ASTN2: variants seen among roughly 807,000 people sequenced by gnomAD.
The protein encoded by ASTN2 is astrotactin-2.
ASTN2 carries 54 observed loss-of-function variants against 139.8 expected under a neutral mutation model. That is an observed-to-expected ratio of 0.39 (90% CI 0.31 to 0.48). ASTN2 has a LOEUF of 0.48. Among genes scored for constraint, ASTN2 ranks in the 20% least tolerant of loss-of-function variants. The pLI is 0.95. For synonymous variants in ASTN2, 756 were observed against 719.5 expected, an observed-to-expected ratio of 1.05 and a Z score of -0.81; for missense variants, 1,565 against 1,725.1, an observed-to-expected ratio of 0.91 and a Z score of 1.64.
chr9:116,710,242 G>C (rs1256562743), intron 16 of ASTN2, among the ~76,000 whole-genome samples: 1 of 151,962 alleles, frequency 6.6e-6, no homozygotes, highest in Non-Finnish European at 1.5e-5. Context: ...GGACCTGTTT[G>C]GAAGCTCCCT....
chr9:116,686,826 C>T, intron 16 of ASTN2: 1 of 1,550,398 alleles, frequency 6.4e-7, no homozygotes, highest in Non-Finnish European at 8.7e-7. Flanking sequence ...GTCTCTAGTG[C>T]AGCTCTCTGT....
chr9:116,650,307 G>A (rs1857836463), intron 17 of ASTN2, among the ~76,000 whole-genome samples: 1 of 152,142 alleles, frequency 6.6e-6, no homozygotes, highest in Non-Finnish European at 1.5e-5. Context: ...GTTCCATAAA[G>A]ATAAGTTTGC....
chr9:117,033,253 T>C (rs1838297895), intron 6 of ASTN2, among the ~76,000 whole-genome samples: 1 of 152,140 alleles, frequency 6.6e-6, no homozygotes, highest in Admixed American at 6.6e-5. Flanking sequence ...TTCTACAGCT[T>C]TGTAAAAATG....
chr9:117,096,236 C>T, intron 4 of ASTN2, 85 bp from the exon 5 acceptor site: 1 of 1,079,842 alleles, frequency 9.3e-7, no homozygotes, highest in South Asian at 1.3e-5. Context: ...GATCAGCAAT[C>T]CCATCCCCAG....
At chr9:116,561,948 T>C (rs1303844864) in intron 19 of ASTN2, 2 of 152,114 alleles carry the variant, frequency 1.3e-5, no homozygotes, top group Non-Finnish European at 1.5e-5. Flanking sequence ...GCCAGGAAAA[T>C]GTTAAAATGT....
Position 116,698,183 on chromosome 9 carries a change from G to A in ASTN2, c.2806+27588C>T. 6.2e-7 allele frequency: 1 copy of A among 1,614,142 alleles called. No homozygotes were observed. ...AAGAAGCAGCTGAGGAGCGGCGTCG[G>A]GACTTTGGAGAGAAGTTAACTCGTC... On this transcript the variant is annotated intron_variant, in intron 16 of 22. Coordinates refer to ENST00000313400, the MANE Select transcript of ASTN2 (RefSeq NM_001365068.1). The surrounding 1 kb of genome is among the most constrained non-coding windows in gnomAD (Gnocchi z 4.4).
intron 2 of ASTN2, among the ~76,000 whole-genome samples, chr9:117,236,484 G>A (rs1833048392): frequency 6.6e-6 from 1 of 152,222 alleles, no homozygotes; most frequent in Non-Finnish European, 1.5e-5. Flanking sequence ...AAGCAATGAA[G>A]AGGGAGCTCA....
chr9:116,874,545 A>C (rs1833247485), intron 10 of ASTN2, among the ~76,000 whole-genome samples: 1 of 152,226 alleles, frequency 6.6e-6, no homozygotes, highest in Admixed American at 6.5e-5. Context: ...TGATGGAGGC[A>C]ATAATATTCA....
chr9:116,762,391 T>G (rs758330171), intron 13 of ASTN2, among the ~76,000 whole-genome samples: 3 of 152,130 alleles, frequency 2.0e-5, no homozygotes, highest in Non-Finnish European at 4.4e-5. Context: ...GAGAACTAAT[T>G]TGGATAATTG....
At chr9:116,622,605 A>C (rs1323246816) in intron 17 of ASTN2, among the ~76,000 whole-genome samples, 3 of 152,220 alleles carry the variant, frequency 2.0e-5, no homozygotes, top group Non-Finnish European at 4.4e-5. Context: ...ACAGAATCCC[A>C]ACCCAGATTT....
rs183175079 is a variant in ASTN2, at chr9:117,309,454, T to G, written c.443-17941A>C. Among the ~76,000 whole-genome samples, 24 of 152,312 alleles carry G rather than the reference T, an allele frequency of 1.6e-4. No homozygotes were observed. The East Asian group carries it at 4.2e-3, about 27-fold the overall frequency. On this transcript the variant is annotated intron_variant, in intron 1 of 22. Transcript: ENST00000313400. ...TCTGACCCCTAAGATCAATACTGTT[T>G]GCAGAATGCGCTTTATGGCAGGCCA...
In ASTN2 at chr9:117,388,456, G is replaced by A. The variant is rs1161619849; in HGVS notation, c.442+26041C>T. ...ACACTTGGATCTCCTTCATCCTAGT[G>A]GGAGTGCTCTGATGAGACTGTGTGC... is the stretch of plus-strand genomic sequence containing the variant. On this transcript the variant is annotated intron_variant, in intron 1 of 22. Transcript: ENST00000313400. Among the ~76,000 whole-genome samples the A allele has an allele frequency of 2.6e-5, 4 of 152,184 alleles. No homozygotes were observed. The East Asian group carries it at 5.8e-4, about 22-fold the overall frequency.
chr9:117,140,455 G>C (rs77744288), intron 4 of ASTN2, among the ~76,000 whole-genome samples: 1 of 149,736 alleles, frequency 6.7e-6, no homozygotes, highest in East Asian at 2.0e-4. Context: ...TGAGTAGATA[G>C]AAAAAAAAAT....
At position 116,664,591 on chromosome 9, in the gene ASTN2, T is replaced by C. The variant is rs1858753017; in HGVS notation, c.2807-12798A>G. On this transcript the variant is annotated intron_variant, in intron 16 of 22. Transcript: ENST00000313400. ...GCAGTATATCTTCATTTATAAGTTT[T>C]AGCTTTGCACCACACAAAAGTTTTA... is the stretch of plus-strand genomic sequence containing the variant. Among the ~76,000 whole-genome samples the C allele has an allele frequency of 2.0e-5, 3 of 151,726 alleles. No individual in the cohort carries two copies. The South Asian group carries it at 6.3e-4, about 32-fold the overall frequency.
At position 116,549,741 on chromosome 9, in the gene ASTN2, C is replaced by T. The variant is rs550201580; in HGVS notation, c.3356-62241G>A. Among the ~76,000 whole-genome samples the T allele has an allele frequency of 1.5e-3, 232 of 152,292 alleles. 1 individual carries two copies. Among genetic ancestry groups the T allele is most frequent in the African/African-American group, 5.4e-3 (226 of 41,560 alleles). On this transcript the variant is annotated intron_variant, in intron 19 of 22. Transcript: ENST00000313400. Reference sequence around the variant, plus strand: ...CGGCCAGCCCTTTCCTGCCTCCAGGCCTTTGTTTGATGCCCATTTCCACTG... The same window carrying T: ...CGGCCAGCCCTTTCCTGCCTCCAGGTCTTTGTTTGATGCCCATTTCCACTG...
At chr9:116,456,576 A>G (rs1381533709) in intron 20 of ASTN2, among the ~76,000 whole-genome samples, 1 of 152,234 alleles carries the variant, frequency 6.6e-6, no homozygotes, top group Non-Finnish European at 1.5e-5. Flanking sequence ...AGGTTTCACA[A>G]TCATGGTGGA....
chr9:117,018,286 G>C (rs1382014437), intron 6 of ASTN2, among the ~76,000 whole-genome samples: 2 of 152,146 alleles, frequency 1.3e-5, no homozygotes, highest in Non-Finnish European at 2.9e-5. Flanking sequence ...CCTGCAGCCT[G>C]TTTCCACTTC....
chr9:116,498,735 C>A (rs1172624294), intron 19 of ASTN2, among the ~76,000 whole-genome samples: 5 of 152,110 alleles, frequency 3.3e-5, no homozygotes, highest in Non-Finnish European at 7.4e-5. Flanking sequence ...TCACACAGTG[C>A]CAGGTAAGGT....
At chr9:116,463,151 A>T (rs1314933798) in intron 20 of ASTN2, among the ~76,000 whole-genome samples, 1 of 151,942 alleles carries the variant, frequency 6.6e-6, no homozygotes, top group Non-Finnish European at 1.5e-5. Context: ...CTTTTTCTCC[A>T]TTGCAACTGC....
Sources: allele counts gnomAD v4.1 joint callset (sites outside exome capture counted in the v4.1 genomes callset), GRCh38; gene constraint gnomAD v4.1.1; non-coding constraint Gnocchi (gnomAD v3.1); transcripts MANE v1.5; gene names NCBI Gene and HGNC (gene_info 2026-07-23, HGNC 2026-07-21).